Variants in SHISA6 observed in about 807,000 individuals in gnomAD.
SHISA6 encodes the protein shisa family member 6.
Under a neutral mutation model 47.9 loss-of-function variants are expected in SHISA6, and 22 were observed. The ratio of observed to expected loss-of-function variants is 0.46; its 90% confidence interval spans 0.33 to 0.66. The LOEUF (loss-of-function observed/expected upper bound fraction) is 0.66. SHISA6 is among the 30% of genes least tolerant of loss of function. The pLI, the probability that SHISA6 is intolerant of heterozygous loss-of-function variation, is 0.02. For missense variants in SHISA6, 680 were observed against 764.6 expected (o/e 0.89, Z 1.30); for synonymous variants, 388 against 337.8 (o/e 1.15, Z -1.63).
intron 2 of SHISA6, among the ~76,000 whole-genome samples, chr17:11,347,023 C>T (rs1429131847): frequency 6.6e-6 from 1 of 152,118 alleles, no homozygotes; most frequent in East Asian, 1.9e-4. Flanking sequence ...GAGTCTGTAG[C>T]TTAAGTCATG....
At chr17:11,533,977 T>G (rs1045964711) in intron 3 of SHISA6, among the ~76,000 whole-genome samples, 1 of 151,220 alleles carries the variant, frequency 6.6e-6, no homozygotes, top group Non-Finnish European at 1.5e-5. Flanking sequence ...AACTTTTTTT[T>G]GTTTGTTTTT....
intron 3 of SHISA6, among the ~76,000 whole-genome samples, chr17:11,411,821 AG>A (rs1400301872): frequency 3.9e-5 from 6 of 152,196 alleles, no homozygotes; most frequent in African/African-American, 1.4e-4. Context: ...CAGGTGATTA[AG>A]ATTTTCGTCT....
chr17:11,403,592 C>T (rs1567596549), intron 3 of SHISA6, among the ~76,000 whole-genome samples: 2 of 152,156 alleles, frequency 1.3e-5, no homozygotes, highest in Non-Finnish European at 2.9e-5. Context: ...TCAAGACTGG[C>T]CACTGGGTGG....
intron 2 of SHISA6, among the ~76,000 whole-genome samples, chr17:11,378,971 G>T (rs559723206): frequency 6.6e-6 from 1 of 151,888 alleles, no homozygotes. Context: ...ATAGACTAAG[G>T]TTCTGGTGTA....
At chr17:11,533,508 C>T (rs2071755430) in intron 3 of SHISA6, among the ~76,000 whole-genome samples, 1 of 151,880 alleles carries the variant, frequency 6.6e-6, no homozygotes. Flanking sequence ...CCCCTGGCCT[C>T]TCTCCCCACC....
Position 11,353,852 on chromosome 17 carries a change from C to A in SHISA6, c.800-25562C>A, listed in dbSNP as rs150667359. On this transcript the variant is annotated intron_variant, in intron 2 of 5. Coordinates refer to ENST00000441885, the MANE Select transcript of SHISA6 (RefSeq NM_207386.4). Reference sequence around the variant, plus strand: ...CATCTGTTTACAGAATTGTCCTGGGCGTGCTGTATAAATTCATGTTTAAAT... The same window carrying A: ...CATCTGTTTACAGAATTGTCCTGGGAGTGCTGTATAAATTCATGTTTAAAT... Among the ~76,000 whole-genome samples, 3 of 152,248 alleles carry A rather than the reference C, an allele frequency of 2.0e-5. No homozygotes were observed. The South Asian group carries it at 6.2e-4, about 32-fold the overall frequency.
intron 2 of SHISA6, among the ~76,000 whole-genome samples, chr17:11,314,529 A>ATTTTTTTTTTT (rs200230465): frequency 2.8e-5 from 4 of 143,654 alleles, no homozygotes; most frequent in African/African-American, 2.5e-5. Context: ...CTGTTTTTTC[A>ATTTTTTTTTTT]TTTTTTTGTT....
At chr17:11,467,628 T>C (rs1597532891) in intron 3 of SHISA6, among the ~76,000 whole-genome samples, 1 of 152,210 alleles carries the variant, frequency 6.6e-6, no homozygotes, top group East Asian at 1.9e-4. Context: ...TCAGGCACTC[T>C]AATAGGAAAG....
intron 2 of SHISA6, among the ~76,000 whole-genome samples, chr17:11,281,574 T>TTGTGTC (rs1316027030): frequency 1.3e-5 from 2 of 152,216 alleles, no homozygotes; most frequent in African/African-American, 2.4e-5. Context: ...TAAGAACTTT[T>TTGTGTC]TGTGTCTATG....
chr17:11,305,322 A>T (rs894849071), intron 2 of SHISA6, among the ~76,000 whole-genome samples: 1 of 152,198 alleles, frequency 6.6e-6, no homozygotes, highest in African/African-American at 2.4e-5. Flanking sequence ...AGTCATCTTT[A>T]TAGTCAACAA....
intron 3 of SHISA6, among the ~76,000 whole-genome samples, chr17:11,497,352 T>C (rs1196262874): frequency 6.6e-6 from 1 of 152,090 alleles, no homozygotes; most frequent in Non-Finnish European, 1.5e-5. Context: ...TGGGTTAAAA[T>C]AATCACTCTG....
chr17:11,318,062 T>G (rs954579130), intron 2 of SHISA6, among the ~76,000 whole-genome samples: 19 of 150,168 alleles, frequency 1.3e-4, no homozygotes, highest in African/African-American at 4.8e-4. Flanking sequence ...AATAGTAAAT[T>G]TTTTTTATGT....
intron 2 of SHISA6, among the ~76,000 whole-genome samples, chr17:11,324,425 G>A (rs1910807781): frequency 6.6e-6 from 1 of 152,186 alleles, no homozygotes; most frequent in Non-Finnish European, 1.5e-5. Flanking sequence ...GCCTGTGCTG[G>A]GCACAGGGGT....
intron 3 of SHISA6, among the ~76,000 whole-genome samples, chr17:11,402,095 TG>T (rs1284858031): frequency 6.6e-6 from 1 of 152,194 alleles, no homozygotes; most frequent in Non-Finnish European, 1.5e-5. Flanking sequence ...GGAGAATGTT[TG>T]TGATTAGGCT....
chr17:11,444,018 G>A (rs1446267143), intron 3 of SHISA6, among the ~76,000 whole-genome samples: 1 of 152,142 alleles, frequency 6.6e-6, no homozygotes, highest in Non-Finnish European at 1.5e-5. Context: ...GAAAGATCAA[G>A]ATCAAGAAAG....
intron 2 of SHISA6, among the ~76,000 whole-genome samples, chr17:11,337,570 G>A (rs2142210051): frequency 6.6e-6 from 1 of 152,270 alleles, no homozygotes; most frequent in Admixed American, 6.5e-5. Context: ...TGGAAAGTGG[G>A]GCTTCTTCAT....
intron 3 of SHISA6, among the ~76,000 whole-genome samples, chr17:11,493,893 C>A (rs2071386705): frequency 6.8e-6 from 1 of 147,510 alleles, no homozygotes; most frequent in Non-Finnish European, 1.5e-5. Flanking sequence ...AAAACTCTAA[C>A]TAAATTCTGT....
intron 3 of SHISA6, among the ~76,000 whole-genome samples, chr17:11,404,079 G>T (rs753890845): frequency 6.6e-6 from 1 of 152,314 alleles, no homozygotes; most frequent in Non-Finnish European, 1.5e-5. Context: ...TTCAACTAAA[G>T]TTCAGTCAAA....
chr17:11,546,981 GGTA>G (rs1159029207), intron 3 of SHISA6, among the ~76,000 whole-genome samples: 5 of 152,082 alleles, frequency 3.3e-5, no homozygotes, highest in Non-Finnish European at 7.4e-5. Flanking sequence ...GTCGATAAAT[GGTA>G]CATGCGATAA....
Sources: gnomAD v4.1 joint callset for allele counts (sites outside exome capture counted in the v4.1 genomes callset) on GRCh38, gnomAD v4.1.1 for gene constraint, MANE v1.5 for transcripts, NCBI Gene and HGNC (gene_info 2026-07-23, HGNC 2026-07-21) for gene names.